CCDC171: variants seen among roughly 807,000 people sequenced by gnomAD.
CCDC171 encodes coiled-coil domain containing 171, also known as coiled-coil domain-containing protein 171.
In CCDC171, 177 loss-of-function variants were observed where a neutral mutation model predicts 168.2. The observed-to-expected ratio is 1.05, with a 90% CI of 0.93 to 1.19. The LOEUF (loss-of-function observed/expected upper bound fraction) is 1.19. CCDC171 is among the 50% of genes most tolerant of loss of function. CCDC171 has a pLI of 0.00. For synonymous variants in CCDC171, 687 were observed against 540.8 expected, an observed-to-expected ratio of 1.27 and a Z score of -3.75; for missense variants, 1,991 against 1,539.0, an observed-to-expected ratio of 1.29 and a Z score of -4.91.
intron 6 of CCDC171, among the ~76,000 whole-genome samples, chr9:15,597,682 C>T (rs1383255754): frequency 2.0e-5 from 3 of 152,146 alleles, no homozygotes; most frequent in Non-Finnish European, 4.4e-5. Context: ...GGAGGATTCC[C>T]TCTTTTTCTA....
At chr9:15,627,349 C>G (rs1446924020) in intron 7 of CCDC171, among the ~76,000 whole-genome samples, 1 of 151,518 alleles carries the variant, frequency 6.6e-6, no homozygotes, top group Admixed American at 6.6e-5. Context: ...TTTTTTCTTG[C>G]CTTCTGCTAG....
intron 25 of CCDC171, among the ~76,000 whole-genome samples, chr9:15,932,820 GA>G (rs1045898326): frequency 3.1e-4 from 47 of 151,878 alleles, no homozygotes; most frequent in African/African-American, 1.1e-3. Flanking sequence ...GATAGATTTT[GA>G]ATTTTGTCAT....
intron 10 of CCDC171, among the ~76,000 whole-genome samples, chr9:15,683,073 C>T (rs919762781): frequency 6.6e-6 from 1 of 151,860 alleles, no homozygotes; most frequent in East Asian, 1.9e-4. Flanking sequence ...TTCTTAAGTC[C>T]GTCATTTCTT....
At chr9:15,820,293 G>C (rs1314910815) in intron 21 of CCDC171, among the ~76,000 whole-genome samples, 3 of 116,020 alleles carry the variant, frequency 2.6e-5, no homozygotes, top group African/African-American at 6.5e-5. Context: ...AGAGAAGCAA[G>C]AGCAAACACA....
At chr9:15,912,866 C>G (rs1823910849) in intron 24 of CCDC171, among the ~76,000 whole-genome samples, 1 of 152,146 alleles carries the variant, frequency 6.6e-6, no homozygotes. Flanking sequence ...GATGAACCAG[C>G]CTTGCATCCC....
chr9:15,800,984 C>T (rs2135781307), intron 21 of CCDC171, among the ~76,000 whole-genome samples: 1 of 152,122 alleles, frequency 6.6e-6, no homozygotes, highest in Middle Eastern at 3.4e-3. Flanking sequence ...TGTTTTTATG[C>T]CAGTACCATG....
chr9:15,740,961 A>G (rs939137798), intron 16 of CCDC171, among the ~76,000 whole-genome samples: 1 of 152,216 alleles, frequency 6.6e-6, no homozygotes, highest in African/African-American at 2.4e-5. Context: ...TCTTTCAACC[A>G]TATTTAAAAC....
intron 16 of CCDC171, among the ~76,000 whole-genome samples, chr9:15,742,305 G>A (rs2054933240): frequency 6.6e-6 from 1 of 152,266 alleles, no homozygotes; most frequent in African/African-American, 2.4e-5. Context: ...AAGTTTCTTA[G>A]TGTAGCACAT....
intron 21 of CCDC171, among the ~76,000 whole-genome samples, chr9:15,814,272 C>T (rs560727022): frequency 6.6e-5 from 10 of 152,270 alleles, no homozygotes; most frequent in African/African-American, 2.4e-4. Flanking sequence ...CCCAGTTAGT[C>T]TACAAACCAT....
chr9:15,598,968 C>T (rs1266242693), intron 6 of CCDC171, among the ~76,000 whole-genome samples: 1 of 152,102 alleles, frequency 6.6e-6, no homozygotes, highest in Non-Finnish European at 1.5e-5. Context: ...ACTAGGATTG[C>T]AACCCCTGCC....
chr9:16,039,932 G>A (rs561918816), upstream of CCDC171, among the ~76,000 whole-genome samples: 1 of 152,264 alleles, frequency 6.6e-6, no homozygotes, highest in South Asian at 2.1e-4. Context: ...CCGGATAACA[G>A]AAGAAAATGA....
chr9:15,889,040 C>G (rs1819843621), intron 24 of CCDC171: 1 of 140,926 alleles, frequency 7.1e-6, no homozygotes, highest in Admixed American at 7.8e-5. Context: ...CTCACTGCAA[C>G]CTCCACCTCC....
At chr9:15,664,567 T>TACACACACACACAG in intron 8 of CCDC171, among the ~76,000 whole-genome samples, 1 of 144,090 alleles carries the variant, frequency 6.9e-6, no homozygotes, top group South Asian at 2.3e-4. Flanking sequence ...CTTAAATTTA[T>TACACACACACACAG]ACACACACAC....
chr9:16,013,715 T>A (rs528203987), intron 3 of CCDC171, among the ~76,000 whole-genome samples: 216 of 152,300 alleles, frequency 1.4e-3, no homozygotes, highest in Admixed American at 2.9e-3. Context: ...ATAAAGTGAG[T>A]CACAGATAAT....
intron 11 of CCDC171, among the ~76,000 whole-genome samples, chr9:15,697,154 C>T (rs910405359): frequency 1.3e-5 from 2 of 152,150 alleles, no homozygotes; most frequent in Admixed American, 6.6e-5. Context: ...ATAAAGCAGT[C>T]GAAGTGTTTA....
chr9:16,091,168 T>A, the CCDC171 span, among the ~76,000 whole-genome samples: 1 of 152,202 alleles, frequency 6.6e-6, no homozygotes, highest in Non-Finnish European at 1.5e-5. Flanking sequence ...GGCCTCAGAA[T>A]GTGTCCTCCT....
At chr9:15,980,182 A>C (rs1051116973) in intron 3 of CCDC171, among the ~76,000 whole-genome samples, 3 of 152,154 alleles carry the variant, frequency 2.0e-5, no homozygotes, top group Non-Finnish European at 4.4e-5. Context: ...TTTCTATTTC[A>C]AATTAGGATT....
intron 11 of CCDC171, among the ~76,000 whole-genome samples, chr9:15,717,016 A>G (rs886814208): frequency 1.3e-5 from 2 of 152,206 alleles, no homozygotes; most frequent in Admixed American, 6.5e-5. Flanking sequence ...AACCACCTTC[A>G]TAAGAACCAA....
intron 7 of CCDC171, among the ~76,000 whole-genome samples, chr9:15,646,467 A>C (rs1026730148): frequency 1.3e-5 from 2 of 152,232 alleles, no homozygotes; most frequent in African/African-American, 2.4e-5. Context: ...AAATTGGATA[A>C]AGATTCAAGA....
Sources: gnomAD v4.1 joint callset for allele counts (sites outside exome capture counted in the v4.1 genomes callset) on GRCh38, gnomAD v4.1.1 for gene constraint, MANE v1.5 for transcripts, NCBI Gene and HGNC (gene_info 2026-07-23, HGNC 2026-07-21) for gene names.